The following BMPR1B variants were observed in gnomAD, a reference collection of about 807,000 sequenced individuals.
BMPR1B encodes bone morphogenetic protein receptor type 1B.
A neutral mutation model predicts 59.1 loss-of-function variants in BMPR1B; 12 were observed. The ratio of observed to expected loss-of-function variants is 0.20; its 90% CI spans 0.13 to 0.33. The LOEUF (loss-of-function observed/expected upper bound fraction) is 0.33. BMPR1B is among the 10% of genes least tolerant of loss of function. BMPR1B has a pLI of 1.00. For missense variants in BMPR1B, 550 were observed against 610.9 expected (o/e 0.90, Z 1.05); for synonymous variants, 237 against 207.3 (o/e 1.14, Z -1.23).
At chr4:95,152,961 T>A (rs1735161609) in intron 12 of BMPR1B, among the ~76,000 whole-genome samples, 188 bp downstream of exon 12, 2 of 152,218 alleles carry the variant, frequency 1.3e-5, no homozygotes, top group Admixed American at 1.3e-4. Context: ...TTTTCCAATT[T>A]TATTTTGCCA....
chr4:94,940,191 A>G (rs1357001539), intron 2 of BMPR1B, among the ~76,000 whole-genome samples: 3 of 152,226 alleles, frequency 2.0e-5, no homozygotes, highest in East Asian at 1.9e-4. Flanking sequence ...GGCATTTTCA[A>G]TATGGCTTAT....
chr4:94,949,194 A>C (rs1370554102), intron 2 of BMPR1B, among the ~76,000 whole-genome samples: 1 of 151,972 alleles, frequency 6.6e-6, no homozygotes, highest in Non-Finnish European at 1.5e-5. Context: ...TCATTGTTCA[A>C]TTCCCATTTA....
chr4:95,069,602 C>T (rs534701419), intron 3 of BMPR1B, among the ~76,000 whole-genome samples: 1 of 152,286 alleles, frequency 6.6e-6, no homozygotes, highest in East Asian at 1.9e-4. Context: ...TACTTTATTT[C>T]TCTCCAAAGT....
In BMPR1B at chr4:95,154,818, G is replaced by C. The variant is rs1194939777; in HGVS notation, c.*145G>C. Reference sequence around the variant, plus strand: ...CAGTGGGTTCAGACCTCACCTCTCAGGGAGCGACCTGGGCAAAGACAGAGA... The same window carrying C: ...CAGTGGGTTCAGACCTCACCTCTCACGGAGCGACCTGGGCAAAGACAGAGA... On this transcript the variant is annotated 3_prime_UTR_variant, in exon 13 of 13. Coordinates refer to ENST00000515059, the MANE Select transcript of BMPR1B (RefSeq NM_001203.3). The C allele has an allele frequency of 1.7e-6, 2 of 1,143,634 alleles. No homozygotes were observed. Among genetic ancestry groups the C allele is most frequent in the East Asian group, 2.5e-5 (1 of 39,884 alleles). 70.8% of individuals were successfully genotyped at this position (1,143,634 alleles called of 1,614,324 possible). A position where few individuals can be genotyped will look rare whatever the true frequency, so the allele number is the denominator to read the frequency against.
At chr4:95,123,733 CT>C in intron 6 of BMPR1B, 76 bp from the exon 7 acceptor site, 1 of 1,170,376 alleles carries the variant, frequency 8.5e-7, no homozygotes, top group South Asian at 1.3e-5. Flanking sequence ...TAGCAAGTAC[CT>C]TTAGGAAAGA....
At chr4:95,141,793 G>A (rs541593127) in intron 10 of BMPR1B, among the ~76,000 whole-genome samples, 1 of 152,130 alleles carries the variant, frequency 6.6e-6, no homozygotes, top group South Asian at 2.1e-4. Context: ...AGGGCTCTCT[G>A]GTATTAAATT....
At position 95,041,234 on chromosome 4, in the gene BMPR1B, C is replaced by T. The variant is rs188712807; in HGVS notation, c.-18+45100C>T. On this transcript the variant is annotated intron_variant, in intron 3 of 12. Transcript: ENST00000515059. ...GCTAATTTTTTTTTGTTTTTAGTAG[C>T]GATAAGGTCTTCCTATGTTGCCCAG... Among the ~76,000 whole-genome samples, 4 of 152,102 alleles carry T rather than the reference C, an allele frequency of 2.6e-5. No homozygotes were observed. In the East Asian group the frequency reaches 7.7e-4, roughly 29 times the overall value.
intron 7 of BMPR1B, 143 bp downstream of exon 7, chr4:95,124,049 C>G: frequency 1.6e-6 from 1 of 638,166 alleles, no homozygotes; most frequent in Non-Finnish European, 2.7e-6. Context: ...ATGTCTGTTA[C>G]TGTTGATAAA....
chr4:95,140,090 C>T (rs183458977), intron 10 of BMPR1B, among the ~76,000 whole-genome samples: 13 of 152,252 alleles, frequency 8.5e-5, no homozygotes, highest in African/African-American at 2.2e-4. Flanking sequence ...TTTTAGTCTC[C>T]GTTCTTATGT....
chr4:94,847,403 C>G (rs923461153), intron 1 of BMPR1B, among the ~76,000 whole-genome samples: 2 of 152,142 alleles, frequency 1.3e-5, no homozygotes, highest in Admixed American at 1.3e-4. Flanking sequence ...AAAAACAGGA[C>G]TACCATATGA....
chr4:95,036,177 A>G (rs2149164602), intron 3 of BMPR1B, among the ~76,000 whole-genome samples: 1 of 152,234 alleles, frequency 6.6e-6, no homozygotes, highest in East Asian at 1.9e-4. Flanking sequence ...ATGTGTAATA[A>G]TCGTATCAGG....
At chr4:94,969,953 AG>A (rs1730709291) in intron 2 of BMPR1B, among the ~76,000 whole-genome samples, 1 of 152,232 alleles carries the variant, frequency 6.6e-6, no homozygotes, top group South Asian at 2.1e-4. Context: ...ACATGTAAAA[AG>A]GGTGATACTT....
At chr4:95,058,394 A>G (rs998337472) in intron 3 of BMPR1B, among the ~76,000 whole-genome samples, 3 of 152,202 alleles carry the variant, frequency 2.0e-5, no homozygotes, top group African/African-American at 7.2e-5. Flanking sequence ...TCAGTGTTGC[A>G]TAATGTCCCC....
At chr4:94,827,468 C>T (rs1724425803) in intron 1 of BMPR1B, among the ~76,000 whole-genome samples, 1 of 152,116 alleles carries the variant, frequency 6.6e-6, no homozygotes, top group South Asian at 2.1e-4. Flanking sequence ...TTGCACATTA[C>T]TGCCTCTTGA....
At position 95,039,421 on chromosome 4, in the gene BMPR1B, C is replaced by CTTTT. The variant is rs35591365; in HGVS notation, c.-18+43301_-18+43304dup. On this transcript the variant is annotated intron_variant, in intron 3 of 12. Transcript: ENST00000515059. ...GTACATGGGGTTCATTTTACTTCTT[C>CTTTT]TTTTTTTTTTTTTTTTTACACAATC... Among the ~76,000 whole-genome samples, 282 of 140,946 alleles carry CTTTT rather than the reference C, an allele frequency of 2.0e-3. 1 individual carries two copies. Among genetic ancestry groups the CTTTT allele is most frequent in the African/African-American group, 6.9e-3 (264 of 38,226 alleles). 92.5% of individuals were successfully genotyped at this position (140,946 alleles called of 152,430 possible). A position where few individuals can be genotyped will look rare whatever the true frequency, so the allele number is the denominator to read the frequency against.
intron 2 of BMPR1B, among the ~76,000 whole-genome samples, chr4:94,952,653 A>G (rs1373026979): frequency 2.0e-5 from 3 of 152,064 alleles, no homozygotes. Context: ...GTTCTTTTGC[A>G]TTTGCTGAGG....
At chr4:95,008,644 G>T (rs1294076149) in intron 3 of BMPR1B, among the ~76,000 whole-genome samples, 2 of 151,904 alleles carry the variant, frequency 1.3e-5, no homozygotes, top group Non-Finnish European at 2.9e-5. Flanking sequence ...AAATAATAAA[G>T]AAACAAATTA....
chr4:95,148,643 T>C (rs1423312666), intron 10 of BMPR1B, 105 bp from the exon 11 acceptor site: 3 of 1,180,820 alleles, frequency 2.5e-6, no homozygotes, highest in Non-Finnish European at 3.7e-6. Flanking sequence ...GGAAAGTTTT[T>C]CTTTTCCACT....
intron 1 of BMPR1B, among the ~76,000 whole-genome samples, chr4:94,874,597 A>C (rs1726642005): frequency 6.6e-6 from 1 of 152,234 alleles, no homozygotes; most frequent in South Asian, 2.1e-4. Flanking sequence ...AAAAGGCTGT[A>C]GAAATCTGAT....
Sources: allele counts gnomAD v4.1 joint callset (sites outside exome capture counted in the v4.1 genomes callset), GRCh38; gene constraint gnomAD v4.1.1; transcripts MANE v1.5; gene names NCBI Gene and HGNC (gene_info 2026-07-23, HGNC 2026-07-21).